LRRC4C: variants seen among roughly 807,000 people sequenced by gnomAD.
LRRC4C encodes the protein leucine rich repeat containing 4C.
A neutral mutation model predicts 33.6 loss-of-function variants in LRRC4C; 5 were observed. The ratio of observed to expected loss-of-function variants is 0.15; its 90% CI spans 0.08 to 0.31. LRRC4C has a LOEUF of 0.31. Ranked by LOEUF, LRRC4C falls within the 10% of genes least tolerant of loss-of-function variation. The pLI, the probability that LRRC4C is intolerant of heterozygous loss-of-function variation, is 1.00. For synonymous variants in LRRC4C, 329 were observed against 302.0 expected (o/e 1.09, Z -0.93); for missense variants, 560 against 796.7 (o/e 0.70, Z 3.58).
intron 1 of LRRC4C, among the ~76,000 whole-genome samples, chr11:41,060,644 A>T (rs1937692623): frequency 6.6e-6 from 1 of 152,312 alleles, no homozygotes; most frequent in South Asian, 2.1e-4. Context: ...CCCCATCTCC[A>T]AATACAGCCA....
chr11:40,577,273 C>T (rs1188594261), intron 3 of LRRC4C, among the ~76,000 whole-genome samples: 2 of 152,238 alleles, frequency 1.3e-5, no homozygotes, highest in East Asian at 3.9e-4. Flanking sequence ...ATGGGAAAAC[C>T]AAGCTTCTAG....
At chr11:41,035,405 A>G (rs1353317821) in intron 1 of LRRC4C, among the ~76,000 whole-genome samples, 1 of 151,790 alleles carries the variant, frequency 6.6e-6, no homozygotes, top group Admixed American at 6.6e-5. Flanking sequence ...AACAGGCCCC[A>G]ATGTGTGTTG....
intron 3 of LRRC4C, among the ~76,000 whole-genome samples, chr11:40,412,507 T>G (rs2137653203): frequency 6.6e-6 from 1 of 152,236 alleles, no homozygotes; most frequent in South Asian, 2.1e-4. Context: ...TTTTTAAAAA[T>G]TCTGGATGAA....
chr11:41,449,254 C>G (rs577175413), intron 1 of LRRC4C, among the ~76,000 whole-genome samples: 2 of 152,154 alleles, frequency 1.3e-5, no homozygotes, highest in Non-Finnish European at 2.9e-5. Flanking sequence ...GGCCTGGGGG[C>G]TTAGGCAGAT....
At chr11:40,310,511 A>G (rs1945252520) in intron 4 of LRRC4C, among the ~76,000 whole-genome samples, 1 of 152,102 alleles carries the variant, frequency 6.6e-6, no homozygotes, top group South Asian at 2.1e-4. Flanking sequence ...ACTCTCTATA[A>G]TCGTGCATCA....
chr11:40,783,327 G>C (rs4418803), intron 2 of LRRC4C, among the ~76,000 whole-genome samples: 2 of 151,422 alleles, frequency 1.3e-5, no homozygotes, highest in East Asian at 3.9e-4. Flanking sequence ...ACAGAGTCTT[G>C]CTCCGTCACC....
intron 3 of LRRC4C, among the ~76,000 whole-genome samples, chr11:40,464,680 T>C (rs1358185073): frequency 6.6e-6 from 1 of 151,942 alleles, no homozygotes; most frequent in Non-Finnish European, 1.5e-5. Context: ...TATACAGCAA[T>C]AACTATCAAG....
intron 3 of LRRC4C, among the ~76,000 whole-genome samples, chr11:40,602,216 A>G (rs1960091230): frequency 6.6e-6 from 1 of 151,254 alleles, no homozygotes; most frequent in East Asian, 1.9e-4. Flanking sequence ...AAAAAGAAAA[A>G]AAAAGAGGTA....
At chr11:41,290,805 A>G (rs2137004723) in intron 1 of LRRC4C, among the ~76,000 whole-genome samples, 1 of 152,246 alleles carries the variant, frequency 6.6e-6, no homozygotes, top group East Asian at 1.9e-4. Context: ...ATTAAAACAA[A>G]CAAAGGTCTT....
intron 1 of LRRC4C, among the ~76,000 whole-genome samples, chr11:41,055,121 G>A (rs996959731): frequency 1.3e-5 from 2 of 151,998 alleles, no homozygotes; most frequent in African/African-American, 4.8e-5. Flanking sequence ...TTCCTCAGAG[G>A]TTATCATTAT....
chr11:40,886,630 T>A (rs567052687), intron 2 of LRRC4C, among the ~76,000 whole-genome samples: 2 of 152,038 alleles, frequency 1.3e-5, no homozygotes, highest in East Asian at 3.9e-4. Context: ...CCTGAAGTTA[T>A]GCAACATCTT....
intron 2 of LRRC4C, among the ~76,000 whole-genome samples, chr11:40,677,398 A>G (rs1201849066): frequency 6.6e-6 from 1 of 152,156 alleles, no homozygotes; most frequent in Non-Finnish European, 1.5e-5. Context: ...CTCAAACAAA[A>G]CAAGACAAAC....
At chr11:40,307,050 T>G (rs1338310935) in intron 4 of LRRC4C, among the ~76,000 whole-genome samples, 1 of 151,992 alleles carries the variant, frequency 6.6e-6, no homozygotes, top group African/African-American at 2.4e-5. Context: ...TTTTTTTTGT[T>G]TTTGTTTTTT....
chr11:40,401,910 A>G (rs1473028764), intron 3 of LRRC4C, among the ~76,000 whole-genome samples: 1 of 152,096 alleles, frequency 6.6e-6, no homozygotes, highest in African/African-American at 2.4e-5. Context: ...GTTTATATAT[A>G]TGTAAAATAT....
intron 2 of LRRC4C, among the ~76,000 whole-genome samples, chr11:40,734,307 C>G (rs1947747982): frequency 6.6e-6 from 1 of 152,114 alleles, no homozygotes; most frequent in Admixed American, 6.6e-5. Context: ...GTATAGAATG[C>G]TAAAATACAT....
At chr11:41,287,170 T>C (rs1013419611) in intron 1 of LRRC4C, among the ~76,000 whole-genome samples, 1 of 152,228 alleles carries the variant, frequency 6.6e-6, no homozygotes, top group Non-Finnish European at 1.5e-5. Flanking sequence ...CTGTCTCTTC[T>C]GGTAAGTGTA....
chr11:40,829,266 T>A (rs910519377), intron 2 of LRRC4C, among the ~76,000 whole-genome samples: 2 of 152,004 alleles, frequency 1.3e-5, no homozygotes, highest in Non-Finnish European at 2.9e-5. Context: ...AATATGCTTT[T>A]GAAAACTCCT....
intron 1 of LRRC4C, among the ~76,000 whole-genome samples, chr11:41,321,870 CT>C (rs924183794): frequency 4.0e-5 from 6 of 148,984 alleles, no homozygotes; most frequent in South Asian, 2.1e-4. Context: ...TAAACTGTTT[CT>C]TTTTTTTTTC....
chr11:41,414,727 C>T (rs559122508), intron 1 of LRRC4C, among the ~76,000 whole-genome samples: 2 of 151,992 alleles, frequency 1.3e-5, no homozygotes, highest in South Asian at 2.1e-4. Flanking sequence ...AATTCTTCCT[C>T]AACTCGAGAA....
Sources: gnomAD v4.1 joint callset for allele counts (sites outside exome capture counted in the v4.1 genomes callset) on GRCh38, gnomAD v4.1.1 for gene constraint, MANE v1.5 for transcripts, NCBI Gene and HGNC (gene_info 2026-07-23, HGNC 2026-07-21) for gene names.